HDAC9: variants seen among roughly 807,000 people sequenced by gnomAD.
The protein encoded by HDAC9 is histone deacetylase 9.
HDAC9 carries 41 observed loss-of-function variants against 139.4 expected under a neutral mutation model. The observed-to-expected ratio is 0.29, with a 90% CI of 0.23 to 0.38. The LOEUF (loss-of-function observed/expected upper bound fraction) is 0.38, where lower values mean the gene tolerates loss of function less well. HDAC9 is among the 10% of genes least tolerant of loss of function. The probability of loss-of-function intolerance (pLI) is 1.00; values close to 1 mark genes in which losing one functional copy is unlikely to be tolerated. For synonymous variants in HDAC9, 517 were observed against 476.2 expected (o/e 1.09, Z -1.12); for missense variants, 1,147 against 1,297.0 (o/e 0.88, Z 1.78).
At position 18,956,370 on chromosome 7, in the gene HDAC9, T is replaced by G. The variant is rs546537015; in HGVS notation, c.3022+2140T>G. Among the ~76,000 whole-genome samples the G allele has an allele frequency of 7.2e-5, 11 of 152,278 alleles. No individual in the cohort carries two copies. The South Asian group carries it at 1.0e-3, about 14-fold the overall frequency. ...AAAATATCAAATATTTAAATGTCTG[T>G]TAGCTCTGGTTGCTAAATTAGAGGA... is the stretch of plus-strand genomic sequence containing the variant. On this transcript the variant is annotated intron_variant, in intron 24 of 25. Coordinates refer to ENST00000686413, the MANE Select transcript of HDAC9 (RefSeq NM_178425.4).
At chr7:18,597,147 A>G (rs1832725949) in intron 6 of HDAC9, among the ~76,000 whole-genome samples, 1 of 152,156 alleles carries the variant, frequency 6.6e-6, no homozygotes, top group African/African-American at 2.4e-5. Context: ...TTTTAGAAAC[A>G]TGGAATTATA....
At chr7:18,657,656 C>T (rs73067094) in intron 11 of HDAC9, among the ~76,000 whole-genome samples, 1,693 of 152,180 alleles carry the variant, frequency 0.011, 9 homozygotes, top group Non-Finnish European at 0.017. Context: ...GCCAAGAAAT[C>T]TTGGTTAAGA....
intron 22 of HDAC9, among the ~76,000 whole-genome samples, chr7:18,923,304 C>T (rs993239578): frequency 2.0e-5 from 3 of 152,068 alleles, no homozygotes; most frequent in African/African-American, 4.8e-5. Flanking sequence ...AGCTGCGTAT[C>T]CCTAGTGTAT....
At position 18,439,764 on chromosome 7, in the gene HDAC9, A is replaced by G. The variant is rs11768775; in HGVS notation, c.-41-56498A>G. On this transcript the variant is annotated intron_variant, in intron 1 of 3. Coordinates refer to the HDAC9 transcript ENST00000413509. Reference sequence around the variant, plus strand: ...AGAAGTATCATTTCATAAAACTTTAATCTCTTTCTCGCTCTTCATACATAC... The same window carrying G: ...AGAAGTATCATTTCATAAAACTTTAGTCTCTTTCTCGCTCTTCATACATAC... Among the ~76,000 whole-genome samples, 712 of 152,260 alleles carry G rather than the reference A, an allele frequency of 4.7e-3. 1 individual carries two copies. Among genetic ancestry groups the G allele is most frequent in the Non-Finnish European group, 7.3e-3 (499 of 68,020 alleles).
At chr7:18,655,156 A>G (rs1790696974) in intron 11 of HDAC9, among the ~76,000 whole-genome samples, 1 of 152,096 alleles carries the variant, frequency 6.6e-6, no homozygotes, top group Non-Finnish European at 1.5e-5. Context: ...ATGAGTAGAA[A>G]CTGGAACTGG....
rs1171310110 is a variant in HDAC9 at position 18,912,759 on chromosome 7, T to A, written c.2804-23050T>A. The stretch of plus-strand genomic sequence containing the variant: ...AAACAAAAATGAGACAACTGTAAAT[T>A]GCATAAATCGCAAGGATTCTAACAA... On this transcript the variant is annotated intron_variant, in intron 22 of 25. Coordinates refer to ENST00000686413, the MANE Select transcript of HDAC9 (RefSeq NM_178425.4). Among the ~76,000 whole-genome samples, 3 of 152,246 alleles carry A rather than the reference T, an allele frequency of 2.0e-5. No individual in the cohort carries two copies. In the East Asian group the frequency reaches 5.8e-4, roughly 29 times the overall value.
At chr7:18,527,115 A>T (rs555160279) in intron 2 of HDAC9, among the ~76,000 whole-genome samples, 1 of 152,278 alleles carries the variant, frequency 6.6e-6, no homozygotes, top group African/African-American at 2.4e-5. Flanking sequence ...TCATTTCCAC[A>T]TGATCCTCAG....
intron 2 of HDAC9, among the ~76,000 whole-genome samples, chr7:18,171,285 C>T (rs1171078089): frequency 6.6e-6 from 1 of 152,092 alleles, no homozygotes; most frequent in East Asian, 1.9e-4. Context: ...TGATTTTTGC[C>T]CATTGATTTT....
At chr7:18,392,367 CTCTG>C (rs1170210502) in intron 1 of HDAC9, among the ~76,000 whole-genome samples, 7 of 147,060 alleles carry the variant, frequency 4.8e-5, no homozygotes, top group African/African-American at 1.8e-4. Context: ...TATATCTAAT[CTCTG>C]TCTCTCTAGA....
chr7:18,529,520 A>G (rs1210962102), intron 2 of HDAC9, among the ~76,000 whole-genome samples: 1 of 152,214 alleles, frequency 6.6e-6, no homozygotes, highest in East Asian at 1.9e-4. Context: ...TGAGGAAGTT[A>G]GTGGATTAGT....
chr7:18,910,997 A>G (rs1408733175), intron 22 of HDAC9, among the ~76,000 whole-genome samples: 1 of 151,800 alleles, frequency 6.6e-6, no homozygotes, highest in East Asian at 1.9e-4. Flanking sequence ...CCCCTTTAAT[A>G]TCTTGGAATA....
chr7:18,648,161 T>A (rs1788027358), intron 10 of HDAC9, among the ~76,000 whole-genome samples, 163 bp downstream of exon 10: 1 of 152,130 alleles, frequency 6.6e-6, no homozygotes, highest in South Asian at 2.1e-4. Context: ...CTTTATTTAT[T>A]CCTTCAGATC....
rs114598425 is a variant in HDAC9, at chr7:18,428,730, A to G, written c.-41-67532A>G. Among the ~76,000 whole-genome samples the G allele has an allele frequency of 9.5e-3, 1,445 of 152,190 alleles. 16 individuals are homozygous for G. Among genetic ancestry groups the G allele is most frequent in the Middle Eastern group, 0.037 (11 of 294 alleles). On this transcript the variant is annotated intron_variant, in intron 1 of 3. Coordinates refer to the HDAC9 transcript ENST00000413509. ...ATACCATGTCTCTTCTCTGCTCAGA[A>G]CCCTCCAGTAGCTTCCCATCTGCCT... is the stretch of plus-strand genomic sequence containing the variant.
chr7:18,888,008 A>T (rs1424643553), intron 22 of HDAC9, among the ~76,000 whole-genome samples: 1 of 152,202 alleles, frequency 6.6e-6, no homozygotes, highest in East Asian at 1.9e-4. Flanking sequence ...GTTTCAGACC[A>T]AGAGTAACTT....
chr7:18,878,584 G>GA (rs1799495831), intron 22 of HDAC9, among the ~76,000 whole-genome samples: 1 of 152,120 alleles, frequency 6.6e-6, no homozygotes, highest in South Asian at 2.1e-4. Context: ...AATAGACATA[G>GA]AAAAGGCTTT....
chr7:18,902,623 G>A (rs1801833565), intron 22 of HDAC9, among the ~76,000 whole-genome samples: 1 of 152,082 alleles, frequency 6.6e-6, no homozygotes, highest in South Asian at 2.1e-4. Flanking sequence ...AATTGACAAG[G>A]GCAGGGGGAA....
intron 1 of HDAC9, among the ~76,000 whole-genome samples, chr7:18,320,174 T>C (rs896887276): frequency 6.6e-6 from 1 of 152,252 alleles, no homozygotes; most frequent in Non-Finnish European, 1.5e-5. Context: ...TCAAGGATGC[T>C]TGCAGTAGCA....
At chr7:18,704,372 G>T (rs938214946) in intron 12 of HDAC9, among the ~76,000 whole-genome samples, 3 of 152,202 alleles carry the variant, frequency 2.0e-5, no homozygotes, top group Non-Finnish European at 2.9e-5. Context: ...TACCTTTAGT[G>T]ACTTTAAGCA....
Position 18,583,790 on chromosome 7 carries a change from G to A in HDAC9, c.23-1491G>A, listed in dbSNP as rs113353869. 3.2e-3 allele frequency among the ~76,000 whole-genome samples: 480 copies of A among 152,168 alleles called. 4 individuals carry two copies. The highest frequency in any genetic ancestry group is 0.011 in the African/African-American group (457 of 41,532). ...CTTTCAGTTTAATTTTCAGTTAACA[G>A]TTATTTCTGTCTACACTGGATCTGT... is the stretch of plus-strand genomic sequence containing the variant. On this transcript the variant is annotated intron_variant, in intron 2 of 25. Coordinates refer to ENST00000686413, the MANE Select transcript of HDAC9 (RefSeq NM_178425.4).
Sources: gnomAD v4.1 joint callset for allele counts (sites outside exome capture counted in the v4.1 genomes callset) on GRCh38, gnomAD v4.1.1 for gene constraint, MANE v1.5 for transcripts, NCBI Gene and HGNC (gene_info 2026-07-23, HGNC 2026-07-21) for gene names.